CRB1: variants seen among roughly 807,000 people sequenced by gnomAD.
CRB1 encodes crumbs cell polarity complex component 1.
A neutral mutation model predicts 120.0 loss-of-function variants in CRB1; 83 were observed. That is an observed-to-expected ratio of 0.69 (90% CI 0.58 to 0.83). CRB1 has a LOEUF of 0.83. Ranked by LOEUF, CRB1 falls within the 40% of genes least tolerant of loss-of-function variation. The pLI is 0.00. For synonymous variants in CRB1, 625 were observed against 612.5 expected (o/e 1.02, Z -0.30); for missense variants, 1,699 against 1,687.6 (o/e 1.01, Z -0.12).
At chr1:197,222,831 T>C in the CRB1 span, 2 of 1,512,116 alleles carry the variant, frequency 1.3e-6, no homozygotes, top group South Asian at 2.2e-5. Flanking sequence ...CAAGGATCAT[T>C]CTCCTGATTT....
At chr1:197,441,865 C>T (rs1159291541) in intron 10 of CRB1, 1 of 383,638 alleles carries the variant, frequency 2.6e-6, no homozygotes, top group Non-Finnish European at 4.9e-6. Context: ...TGAGCATTGA[C>T]ACTGGTGTAG....
chr1:197,378,236 A>C (rs1194498803), intron 5 of CRB1, among the ~76,000 whole-genome samples: 13 of 152,222 alleles, frequency 8.5e-5, no homozygotes, highest in Non-Finnish European at 1.9e-4. Flanking sequence ...ACAATGATAT[A>C]GATGTCAGCC....
rs566091064 is a variant in CRB1 at position 197,419,358 on chromosome 1, G to A, written c.1172-1642G>A. On this transcript the variant is annotated intron_variant, in intron 5 of 11. Coordinates refer to ENST00000367400, the MANE Select transcript of CRB1 (RefSeq NM_201253.3). ...TAATTAAAAAACTGTGTGTCAGATTGGATTCTTTTTTTTTTTTTTTTGAGA... is the reference window on the plus strand; with the variant it reads ...TAATTAAAAAACTGTGTGTCAGATTAGATTCTTTTTTTTTTTTTTTTGAGA... Among the ~76,000 whole-genome samples the A allele has an allele frequency of 4.0e-4, 42 of 105,252 alleles. 1 individual carries two copies. Among genetic ancestry groups the A allele is most frequent in the Admixed American group, 3.9e-3 (28 of 7,128 alleles). The allele number at this position is 105,252 out of a possible 152,430, so 69.0% of individuals were successfully genotyped here.
chr1:197,260,480 C>T, the CRB1 span, among the ~76,000 whole-genome samples: 21 of 151,270 alleles, frequency 1.4e-4, no homozygotes, highest in African/African-American at 4.8e-4. Context: ...TGGAATAAAA[C>T]CCAATGGGAA....
At chr1:197,408,670 T>A (rs1316686258) in intron 5 of CRB1, among the ~76,000 whole-genome samples, 40 of 152,156 alleles carry the variant, frequency 2.6e-4, no homozygotes, top group Non-Finnish European at 1.5e-5. Flanking sequence ...AAGACAGGTT[T>A]TTATAATTCA....
intron 1 of CRB1, among the ~76,000 whole-genome samples, chr1:197,269,380 T>C (rs1160423040): frequency 2.0e-5 from 3 of 152,206 alleles, no homozygotes; most frequent in East Asian, 1.9e-4. Flanking sequence ...CGGTTTACAG[T>C]TGAACATATA....
At chr1:197,476,641 G>C (rs1032531133) in intron 11 of CRB1, among the ~76,000 whole-genome samples, 1 of 151,950 alleles carries the variant, frequency 6.6e-6, no homozygotes, top group Non-Finnish European at 1.5e-5. Context: ...CCAAGACACA[G>C]GGGACAATAA....
intron 2 of CRB1, among the ~76,000 whole-genome samples, chr1:197,331,717 A>T (rs2125309144): frequency 6.6e-6 from 1 of 152,342 alleles, no homozygotes; most frequent in Non-Finnish European, 1.5e-5. Context: ...ATATAAAATC[A>T]AATTAATGTT....
At chr1:197,356,770 G>T (rs1660498107) in intron 4 of CRB1, 61 bp from the exon 5 acceptor site, 2 of 1,559,438 alleles carry the variant, frequency 1.3e-6, no homozygotes, top group Non-Finnish European at 1.8e-6. Flanking sequence ...CTCCTTTTAG[G>T]CAAATGCTCT....
At chr1:197,362,359 T>C (rs528215710) in intron 5 of CRB1, among the ~76,000 whole-genome samples, 1 of 152,278 alleles carries the variant, frequency 6.6e-6, no homozygotes, top group South Asian at 2.1e-4. Context: ...GCGATTTCTA[T>C]ATATGTCAAT....
intron 4 of CRB1, 142 bp from the exon 5 acceptor site, chr1:197,356,689 A>G: frequency 1.3e-6 from 1 of 789,616 alleles, no homozygotes; most frequent in Non-Finnish European, 2.2e-6. Flanking sequence ...TCCTCTTACC[A>G]GATTCCCCTT....
chr1:197,327,108 A>ACAAC (rs1558055603), intron 1 of CRB1, among the ~76,000 whole-genome samples: 5 of 74,876 alleles, frequency 6.7e-5, no homozygotes, highest in African/African-American at 3.2e-4. Context: ...AAAAAAAAAA[A>ACAAC]AAAAAAAAAA....
At position 197,328,838 on chromosome 1, in the gene CRB1, T is replaced by G. The variant is rs2125304485; in HGVS notation, c.487T>G (p.Cys163Gly). 5 of 1,614,174 alleles carry G rather than the reference T, an allele frequency of 3.1e-6. No homozygotes were observed. Among genetic ancestry groups the G allele is most frequent in the Non-Finnish European group, 4.2e-6 (5 of 1,180,024 alleles). Residue 163 changes from cysteine to glycine, a missense_variant, in exon 2 of 12, where the codon TGC becomes GGC. Transcript: ENST00000367400. ...ASSPCQNGAV[C>G]QDGIDGYSCF... ...CAGCCCTTGCCAAAATGGGGCCGTGTGCCAGGATGGAATTGATGGTTACTC... is the reference window on the plus strand; with the variant it reads ...CAGCCCTTGCCAAAATGGGGCCGTGGGCCAGGATGGAATTGATGGTTACTC...
At chr1:197,454,436 A>T (rs1039956804) in intron 11 of CRB1, among the ~76,000 whole-genome samples, 13 of 152,224 alleles carry the variant, frequency 8.5e-5, no homozygotes, top group Middle Eastern at 6.8e-3. Context: ...CATTATTAAG[A>T]TTTCTGCTTC....
chr1:197,414,461 A>T (rs1036904442), intron 5 of CRB1, among the ~76,000 whole-genome samples: 1 of 152,154 alleles, frequency 6.6e-6, no homozygotes, highest in African/African-American at 2.4e-5. Context: ...TATGAGATAT[A>T]CCAAGTGGTA....
chr1:197,341,354 C>T (rs1322415153), intron 2 of CRB1, among the ~76,000 whole-genome samples: 2 of 152,018 alleles, frequency 1.3e-5, no homozygotes, highest in Non-Finnish European at 2.9e-5. Flanking sequence ...ACCAGCCTGA[C>T]CAACATGGTG....
At chr1:197,317,319 G>A (rs1657911646) in intron 1 of CRB1, among the ~76,000 whole-genome samples, 1 of 152,198 alleles carries the variant, frequency 6.6e-6, no homozygotes, top group Non-Finnish European at 1.5e-5. Context: ...TGGGGAGGCT[G>A]AGGCAGGACA....
At chr1:197,457,689 A>G (rs1256980241) in intron 11 of CRB1, among the ~76,000 whole-genome samples, 2 of 152,304 alleles carry the variant, frequency 1.3e-5, no homozygotes, top group African/African-American at 2.4e-5. Context: ...GCGGTAGGGT[A>G]GAAAAAGCTT....
intron 2 of CRB1, among the ~76,000 whole-genome samples, chr1:197,342,096 C>A (rs930101767): frequency 3.9e-5 from 6 of 152,148 alleles, no homozygotes; most frequent in Non-Finnish European, 7.3e-5. Flanking sequence ...TTGTATGGAC[C>A]ATGCTTTTGG....
Sources: allele counts gnomAD v4.1 joint callset (sites outside exome capture counted in the v4.1 genomes callset), GRCh38; gene constraint gnomAD v4.1.1; transcripts MANE v1.5; gene names NCBI Gene and HGNC (gene_info 2026-07-23, HGNC 2026-07-21).